Variants in GNAS observed in about 807,000 individuals in gnomAD.
GNAS encodes the protein GNAS complex locus.
A neutral mutation model predicts 54.5 loss-of-function variants in GNAS; 8 were observed. That is an observed-to-expected ratio of 0.15 (90% confidence interval 0.09 to 0.26). The LOEUF is 0.26. Ranked by LOEUF, GNAS falls within the 10% of genes least tolerant of loss-of-function variation. The probability of loss-of-function intolerance (pLI) is 1.00; values close to 1 mark genes in which losing one functional copy is unlikely to be tolerated. For synonymous variants in GNAS, 204 were observed against 191.4 expected (o/e 1.07, Z -0.54); for missense variants, 170 against 529.8 (o/e 0.32, Z 6.67).
rs775659729 is a variant in GNAS at position 58,909,265 on chromosome 20, C to G, written c.585+49C>G. On this transcript the variant is annotated intron_variant, in intron 7 of 12. Transcript: ENST00000371085. This position sits in a 1 kb window ranked among gnomAD's most constrained non-coding sequence, Gnocchi z 7.3. ...GAGGACTCTGAGCCCTCTTTCCAAA[C>G]TACTCCAGACCTTTGCTTTAGATTG... 3.8e-6 allele frequency: 6 copies of G among 1,589,150 alleles called. No individual in the cohort carries two copies. In the South Asian group the frequency reaches 6.6e-5, roughly 18 times the overall value.
In GNAS at chr20:58,909,476, C is replaced by A. The variant is rs1316171810; in HGVS notation, c.660-45C>A. 4 of 1,610,318 alleles carry A rather than the reference C, an allele frequency of 2.5e-6. No individual in the cohort carries two copies. Among genetic ancestry groups the A allele is most frequent in the East Asian group, 2.2e-5 (1 of 44,860 alleles). On this transcript the variant is annotated intron_variant, in intron 8 of 12. Coordinates refer to ENST00000371085, the MANE Select transcript of GNAS (RefSeq NM_000516.7). This position sits in a 1 kb window ranked among gnomAD's most constrained non-coding sequence, Gnocchi z 7.3. Reference sequence around the variant, plus strand: ...ACAGAGATCATGGTTTCTTGACATTCACCCCAGTCCCTCTGGAATAACCAG... The same window carrying A: ...ACAGAGATCATGGTTTCTTGACATTAACCCCAGTCCCTCTGGAATAACCAG...
Position 58,846,111 on chromosome 20 carries a change from GA to G in GNAS, c.43+5232del, listed in dbSNP as rs556123520. Among the ~76,000 whole-genome samples, 17 of 152,232 alleles carry G rather than the reference GA, an allele frequency of 1.1e-4. No homozygotes were observed. The South Asian group carries it at 3.5e-3, about 32-fold the overall frequency. On this transcript the variant is annotated intron_variant, in intron 1 of 12. Coordinates refer to the GNAS transcript ENST00000306090. ...GAAAAGAAGAATTTGAGGGATCACA[GA>G]AAAAAAGGAAGATGTGGGTAGATAA... is the stretch of plus-strand genomic sequence containing the variant.
intron 1 of GNAS, among the ~76,000 whole-genome samples, chr20:58,861,711 C>CT (rs896655986): frequency 4.5e-4 from 69 of 152,090 alleles, no homozygotes; most frequent in African/African-American, 1.5e-3. Context: ...AGGATATATT[C>CT]TTTTTTTTAT....
At chr20:58,840,386 G>C (rs773416371), upstream of GNAS, 7 of 1,613,508 alleles carry the variant, frequency 4.3e-6, no homozygotes, top group Non-Finnish European at 5.9e-6. This position sits in a 1 kb window ranked among gnomAD's most constrained non-coding sequence, Gnocchi z 6.0. Flanking sequence ...GGCAGACCTT[G>C]AGCTGTCCCT....
chr20:58,881,844 G>T (rs2088242927), intron 1 of GNAS: 1 of 152,194 alleles, frequency 6.6e-6, no homozygotes, highest in African/African-American at 2.4e-5. Flanking sequence ...ATCAGACTCT[G>T]CACTTGTAGC....
At chr20:58,842,472 G>A (rs1426552621) in intron 1 of GNAS, 2 of 398,542 alleles carry the variant, frequency 5.0e-6, no homozygotes, top group African/African-American at 2.1e-5. Context: ...CCGTAGGAAA[G>A]GCGTCGCGGC....
At chr20:58,899,077 A>G (rs1180992992) in intron 3 of GNAS, 92 bp downstream of exon 3, 1 of 984,276 alleles carries the variant, frequency 1.0e-6, no homozygotes, top group African/African-American at 1.6e-5. Flanking sequence ...CCGGGAAGAA[A>G]ATAAAAATCA....
intron 3 of GNAS, among the ~76,000 whole-genome samples, chr20:58,901,219 A>G (rs916667967): frequency 5.3e-5 from 8 of 152,222 alleles, no homozygotes; most frequent in Non-Finnish European, 1.0e-4. Context: ...TCTGAATTCA[A>G]AAGTGAACAT....
At chr20:58,893,547 T>G (rs557220663) in intron 1 of GNAS, among the ~76,000 whole-genome samples, 36 of 152,362 alleles carry the variant, frequency 2.4e-4, no homozygotes, top group African/African-American at 8.4e-4. Flanking sequence ...TGGTTTGCTC[T>G]TTTTGCATAG....
At chr20:58,905,013 T>C (rs1402091162) in intron 5 of GNAS, among the ~76,000 whole-genome samples, 1 of 152,222 alleles carries the variant, frequency 6.6e-6, no homozygotes, top group East Asian at 1.9e-4. Flanking sequence ...ATGAAGTTTC[T>C]TATTTTCACA....
chr20:58,906,288 C>A (rs1433089525), intron 6 of GNAS, among the ~76,000 whole-genome samples: 3 of 152,186 alleles, frequency 2.0e-5, no homozygotes. Context: ...GAAGGGGGAA[C>A]TTAAAACACA....
chr20:58,900,555 T>G (rs1328212581), intron 3 of GNAS: 5 of 179,950 alleles, frequency 2.8e-5, no homozygotes, highest in Non-Finnish European at 5.9e-5. Flanking sequence ...TCTTAAAAAC[T>G]GAACGCATCC....
chr20:58,887,527 T>C (rs770769227), upstream of GNAS, among the ~76,000 whole-genome samples: 2 of 152,258 alleles, frequency 1.3e-5, no homozygotes, highest in African/African-American at 4.8e-5. Flanking sequence ...TGAGTTCTCC[T>C]ATGAGCACAT....
rs60022134 is a variant in GNAS, at chr20:58,902,725, C to CTTTTTTTTTTTTTTTTTT, written c.258-795_258-778dup. ...AGTGCCTGGAGCATCGCACATACGACTTTTTTTTTTTTTTTTTTTTTTTTT... is the reference window on the plus strand; with the variant it reads ...AGTGCCTGGAGCATCGCACATACGACTTTTTTTTTTTTTTTTTTTTTTTTTTTTTTTTTTTTTTTTTTT... On this transcript the variant is annotated intron_variant, in intron 3 of 12. Coordinates refer to ENST00000371085, the MANE Select transcript of GNAS (RefSeq NM_000516.7). Among the ~76,000 whole-genome samples, 33 of 69,510 alleles carry CTTTTTTTTTTTTTTTTTT rather than the reference C, an allele frequency of 4.7e-4. 7 individuals carry two copies. Among genetic ancestry groups the CTTTTTTTTTTTTTTTTTT allele is most frequent in the African/African-American group, 2.1e-3 (31 of 15,016 alleles). The allele number at this position is 69,510 out of a possible 152,430, so 45.6% of individuals were successfully genotyped here. A position where few individuals can be genotyped will look rare whatever the true frequency, so the allele number is the denominator to read the frequency against.
At chr20:58,889,239 T>G, upstream of GNAS, 4 of 1,182,366 alleles carry the variant, frequency 3.4e-6, no homozygotes, top group Non-Finnish European at 4.3e-6. Flanking sequence ...GGCGCTCCCC[T>G]GCTCTCTGGC....
At chr20:58,843,050 T>C (rs912294983) in intron 1 of GNAS, among the ~76,000 whole-genome samples, 5 of 152,296 alleles carry the variant, frequency 3.3e-5, no homozygotes, top group African/African-American at 9.6e-5. Context: ...CAATGTACCA[T>C]GTTCACATGT....
chr20:58,895,771 G>A, intron 2 of GNAS, 87 bp downstream of exon 2: 6 of 833,886 alleles, frequency 7.2e-6, no homozygotes, highest in Non-Finnish European at 6.2e-6. Flanking sequence ...GGCTTTGGGG[G>A]CTGGGCAGCC....
chr20:58,899,931 T>G, intron 3 of GNAS: 1 of 718,034 alleles, frequency 1.4e-6, no homozygotes, highest in Non-Finnish European at 2.6e-6. Flanking sequence ...CACATGTTTG[T>G]TCATCTGTTT....
chr20:58,869,201 C>G (rs1271092153), intron 1 of GNAS, among the ~76,000 whole-genome samples: 1 of 152,210 alleles, frequency 6.6e-6, no homozygotes, highest in African/African-American at 2.4e-5. Context: ...AGATCTTGGA[C>G]AAATCCCTGG....
Sources: gnomAD v4.1 joint callset for allele counts (sites outside exome capture counted in the v4.1 genomes callset) on GRCh38, gnomAD v4.1.1 for gene constraint, Gnocchi (gnomAD v3.1) non-coding constraint, MANE v1.5 for transcripts, NCBI Gene and HGNC (gene_info 2026-07-23, HGNC 2026-07-21) for gene names.